Variants in DSCAM observed in about 807,000 individuals in gnomAD.
DSCAM encodes the protein DS cell adhesion molecule, also known as cell adhesion molecule DSCAM.
Under a neutral mutation model 217.7 loss-of-function variants are expected in DSCAM, and 47 were observed. The ratio of observed to expected loss-of-function variants is 0.22; its 90% CI spans 0.17 to 0.28. The LOEUF (loss-of-function observed/expected upper bound fraction) is 0.28, where lower values mean the gene tolerates loss of function less well. DSCAM is among the 10% of genes least tolerant of loss of function. The pLI is 1.00. For synonymous variants in DSCAM, 1,056 were observed against 1,015.3 expected, an observed-to-expected ratio of 1.04 and a Z score of -0.76; for missense variants, 2,080 against 2,618.3, an observed-to-expected ratio of 0.79 and a Z score of 4.49.
At chr21:40,786,453 C>A (rs2123449291) in intron 1 of DSCAM, among the ~76,000 whole-genome samples, 1 of 152,282 alleles carries the variant, frequency 6.6e-6, no homozygotes, top group Middle Eastern at 3.4e-3. Flanking sequence ...ATCAGCAGCA[C>A]ACGGGAGCTT....
At chr21:40,045,246 T>G (rs562560189) in intron 30 of DSCAM, among the ~76,000 whole-genome samples, 4 of 152,266 alleles carry the variant, frequency 2.6e-5, no homozygotes, top group Non-Finnish European at 4.4e-5. Flanking sequence ...TAATGATGAC[T>G]GTTTTATTCA....
chr21:40,069,488 G>A (rs1030338104), intron 27 of DSCAM, among the ~76,000 whole-genome samples: 1 of 152,224 alleles, frequency 6.6e-6, no homozygotes, highest in Non-Finnish European at 1.5e-5. Context: ...TTGAGAGGCT[G>A]AACTGCCTCA....
chr21:40,322,232 C>T (rs2123525781), intron 8 of DSCAM, among the ~76,000 whole-genome samples: 1 of 152,234 alleles, frequency 6.6e-6, no homozygotes, highest in East Asian at 1.9e-4. Context: ...TCGTGTGTTG[C>T]CATCATTTGT....
intron 3 of DSCAM, among the ~76,000 whole-genome samples, chr21:40,540,612 A>G (rs1046406400): frequency 1.1e-4 from 17 of 152,192 alleles, no homozygotes; most frequent in African/African-American, 3.4e-4. Flanking sequence ...TAAAAATATA[A>G]ATCAGAAAAA....
chr21:40,644,640 C>T (rs1183373652), intron 3 of DSCAM, among the ~76,000 whole-genome samples: 1 of 152,164 alleles, frequency 6.6e-6, no homozygotes, highest in Non-Finnish European at 1.5e-5. Flanking sequence ...ATTCTTTTAG[C>T]TTAATAGAAA....
intron 3 of DSCAM, among the ~76,000 whole-genome samples, chr21:40,527,392 C>A (rs960134964): frequency 1.3e-5 from 2 of 152,216 alleles, no homozygotes; most frequent in Non-Finnish European, 1.5e-5. Context: ...TGTACCAGCA[C>A]TGAGTCTAAG....
At chr21:40,457,169 T>C (rs1323070150) in intron 3 of DSCAM, among the ~76,000 whole-genome samples, 2 of 152,174 alleles carry the variant, frequency 1.3e-5, no homozygotes, top group African/African-American at 2.4e-5. Flanking sequence ...TAGAATACTT[T>C]ATAATTTCAT....
intron 3 of DSCAM, among the ~76,000 whole-genome samples, chr21:40,472,546 T>C (rs17835632): frequency 0.037 from 5,646 of 152,324 alleles, 156 homozygotes; most frequent in Non-Finnish European, 0.06. Flanking sequence ...AAAATCATAG[T>C]AAAACTTCAT....
chr21:40,829,660 C>T (rs1483080844), intron 1 of DSCAM, among the ~76,000 whole-genome samples: 2 of 152,186 alleles, frequency 1.3e-5, no homozygotes, highest in African/African-American at 4.8e-5. Flanking sequence ...GAGATCACTA[C>T]AGACAGGTGG....
Position 40,093,737 on chromosome 21 carries a change from G to T in DSCAM, c.3834C>A (p.Val1278=). The change falls in exon 21 of 33, where the codon GTC becomes GTA. Residue 1278 remains valine, a synonymous_variant. Coordinates refer to ENST00000400454, the MANE Select transcript of DSCAM (RefSeq NM_001389.5). ...GRGNSSEIIT[V]EPLAKAPARI... ...ACTGCCTACCTTTTGCTAGTGGCTC[G>T]ACTGTGATGATTTCACTGCTGTTGC... The T allele has an allele frequency of 6.3e-7, 1 of 1,596,130 alleles. No individual in the cohort carries two copies.
chr21:40,481,286 G>A (rs573890512), intron 3 of DSCAM, among the ~76,000 whole-genome samples: 148 of 152,160 alleles, frequency 9.7e-4, no homozygotes, highest in African/African-American at 3.4e-3. Context: ...TCAGGAGATC[G>A]AGACCATCCC....
intron 19 of DSCAM, among the ~76,000 whole-genome samples, chr21:40,125,940 C>T (rs541392584): frequency 1.3e-5 from 2 of 152,328 alleles, no homozygotes; most frequent in South Asian, 2.1e-4. Flanking sequence ...CCACAGTGAA[C>T]ATTCTTGCTG....
chr21:40,075,247 A>G (rs1413229025), intron 26 of DSCAM, 34 bp from the exon 27 acceptor site: 1 of 1,610,998 alleles, frequency 6.2e-7, no homozygotes, highest in Non-Finnish European at 8.5e-7. Context: ...GATGGCTATT[A>G]ATGAAGACGG....
At chr21:40,834,451 A>G (rs2123658146) in intron 1 of DSCAM, among the ~76,000 whole-genome samples, 1 of 147,596 alleles carries the variant, frequency 6.8e-6, no homozygotes, top group African/African-American at 2.5e-5. Flanking sequence ...TAATAATAAT[A>G]ATAATAATAA....
Position 40,016,038 on chromosome 21 carries a change from A to G in DSCAM, c.5687-2652T>C, listed in dbSNP as rs924136636. Among the ~76,000 whole-genome samples the G allele has an allele frequency of 6.6e-6, 1 of 152,182 alleles. No individual in the cohort carries two copies. Among genetic ancestry groups the G allele is most frequent in the South Asian group, 2.1e-4 (1 of 4,828 alleles). ...CACCTTGAGGTCTGAAGGACTCACC[A>G]TCTTGGCACACCTGTAACTCGTGAC... On this transcript the variant is annotated intron_variant, in intron 32 of 32. Coordinates refer to ENST00000400454, the MANE Select transcript of DSCAM (RefSeq NM_001389.5). The surrounding 1 kb of genome is among the most constrained non-coding windows in gnomAD (Gnocchi z 4.3).
At chr21:40,565,856 A>G (rs1402022940) in intron 3 of DSCAM, among the ~76,000 whole-genome samples, 1 of 152,180 alleles carries the variant, frequency 6.6e-6, no homozygotes, top group African/African-American at 2.4e-5. Context: ...ATTTTGTAAA[A>G]TTGGACTCTT....
intron 4 of DSCAM, among the ~76,000 whole-genome samples, chr21:40,366,411 CATTTT>C (rs1427922552): frequency 6.6e-6 from 1 of 152,046 alleles, no homozygotes; most frequent in African/African-American, 2.4e-5. Flanking sequence ...CCTGTCATTT[CATTTT>C]AATTTTAGAA....
intron 29 of DSCAM, among the ~76,000 whole-genome samples, chr21:40,053,789 G>A (rs1440989533): frequency 1.3e-5 from 2 of 151,968 alleles, no homozygotes; most frequent in Non-Finnish European, 2.9e-5. Flanking sequence ...TGACTGGCAG[G>A]CTTCCTCTGG....
intron 29 of DSCAM, 68 bp downstream of exon 29, chr21:40,055,656 TG>T (rs1307763074): frequency 8.6e-6 from 10 of 1,156,544 alleles, no homozygotes; most frequent in Admixed American, 3.4e-5. Context: ...TCCCACATCC[TG>T]GGGTTTGGAT....
Sources: allele counts gnomAD v4.1 joint callset (sites outside exome capture counted in the v4.1 genomes callset), GRCh38; gene constraint gnomAD v4.1.1; non-coding constraint Gnocchi (gnomAD v3.1); transcripts MANE v1.5; gene names NCBI Gene and HGNC (gene_info 2026-07-23, HGNC 2026-07-21).